LONRF2: variants seen among roughly 807,000 people sequenced by gnomAD.
The protein encoded by LONRF2 is LON peptidase N-terminal domain and ring finger 2.
A neutral mutation model predicts 66.6 loss-of-function variants in LONRF2; 35 were observed. The observed-to-expected ratio is 0.53, with a 90% CI of 0.40 to 0.70. The LOEUF (loss-of-function observed/expected upper bound fraction) is 0.70. LONRF2 is among the 30% of genes least tolerant of loss of function. The pLI, the probability that LONRF2 is intolerant of heterozygous loss-of-function variation, is 0.00. For synonymous variants in LONRF2, 417 were observed against 418.1 expected (o/e 1.00, Z 0.03); for missense variants, 902 against 1,002.1 (o/e 0.90, Z 1.35).
At position 100,275,686 on chromosome 2, in the gene LONRF2, G is replaced by A. The variant is rs1185412338; in HGVS notation, c.*8612C>T. On this transcript the variant is annotated 3_prime_UTR_variant, in exon 12 of 12. Transcript: ENST00000393437. Reference sequence around the variant, plus strand: ...AAAAGGGGAAGGGGTGGGACACTTTGTTCCCACTCCCCTGAGACCTGCAGA... The same window carrying A: ...AAAAGGGGAAGGGGTGGGACACTTTATTCCCACTCCCCTGAGACCTGCAGA... 2.0e-5 allele frequency: 3 copies of A among 152,156 alleles called. No homozygotes were observed. The highest frequency in any genetic ancestry group is 7.2e-5 in the African/African-American group (3 of 41,426). 9.4% of individuals were successfully genotyped at this position (152,156 alleles called of 1,614,324 possible). A position where few individuals can be genotyped will look rare whatever the true frequency, so the allele number is the denominator to read the frequency against.
intron 9 of LONRF2, among the ~76,000 whole-genome samples, chr2:100,294,008 A>G (rs1427050743): frequency 6.6e-6 from 1 of 152,212 alleles, no homozygotes; most frequent in African/African-American, 2.4e-5. Context: ...GGCAAGTAGC[A>G]TGGCAATGGA....
Position 100,287,950 on chromosome 2 carries a change from G to A in LONRF2, c.1921-887C>T, listed in dbSNP as rs148454875. On this transcript the variant is annotated intron_variant, in intron 10 of 11. Transcript: ENST00000393437. ...ACCTACAAAAACTACGGTGTGCTGA[G>A]AAATTATAATATAATGCATATACCA... is the stretch of plus-strand genomic sequence containing the variant. Among the ~76,000 whole-genome samples the A allele has an allele frequency of 2.4e-3, 359 of 152,172 alleles. 1 individual carries two copies. Among genetic ancestry groups the A allele is most frequent in the Middle Eastern group, 0.01 (3 of 294 alleles).
rs562021760 is a variant in LONRF2, at chr2:100,288,243, T to C, written c.1921-1180A>G. Among the ~76,000 whole-genome samples the C allele has an allele frequency of 3.9e-5, 6 of 152,262 alleles. No homozygotes were observed. In the East Asian group the frequency reaches 1.2e-3, roughly 29 times the overall value. The stretch of plus-strand genomic sequence containing the variant: ...CCAGCCTGGGAGCTGGGCTCCCTGC[T>C]CTGCTCCCATGCACTGGGATGACCA... On this transcript the variant is annotated intron_variant, in intron 10 of 11. Transcript: ENST00000393437.
At chr2:100,314,293 G>T (rs1209285781) in intron 1 of LONRF2, among the ~76,000 whole-genome samples, 3 of 152,122 alleles carry the variant, frequency 2.0e-5, no homozygotes, top group Non-Finnish European at 4.4e-5. Flanking sequence ...CAGCTACTCT[G>T]GTGGGGATGT....
chr2:100,316,341 A>C (rs1675507275), intron 1 of LONRF2, among the ~76,000 whole-genome samples: 1 of 129,634 alleles, frequency 7.7e-6, no homozygotes, highest in Admixed American at 7.0e-5. Flanking sequence ...AAAAAAAAGA[A>C]AGAAAATTTT....
chr2:100,284,425 T>A lies in LONRF2; in HGVS notation c.2138A>T (p.Gln713Leu). Reference sequence around the variant, plus strand: ...CGAGGTCATGCCGAGGATGGCCAGCTGAGCCTTGCGCTCCAGGGGCAGCAC... The same window carrying A: ...CGAGGTCATGCCGAGGATGGCCAGCAGAGCCTTGCGCTCCAGGGGCAGCAC... ...LAVLPLERKAQLAILGMTSLK... is the reference protein window; with the variant it reads ...LAVLPLERKALLAILGMTSLK... The change falls in exon 12 of 12, where the codon CAG becomes CTG. Residue 713 changes from glutamine (Q) to leucine (L), a missense_variant. Coordinates refer to ENST00000393437, the MANE Select transcript of LONRF2 (RefSeq NM_198461.4). The A allele has an allele frequency of 6.2e-7, 1 of 1,607,806 alleles. No individual in the cohort carries two copies. Among genetic ancestry groups the A allele is most frequent in the South Asian group, 1.1e-5 (1 of 89,160 alleles).
chr2:100,289,680 C>T (rs933355252), intron 10 of LONRF2, among the ~76,000 whole-genome samples: 6 of 152,144 alleles, frequency 3.9e-5, no homozygotes, highest in Admixed American at 2.0e-4. Flanking sequence ...TCGTGACCTG[C>T]CCACCTTGGC....
chr2:100,311,673 G>T (rs938626123), intron 1 of LONRF2, among the ~76,000 whole-genome samples: 1 of 152,062 alleles, frequency 6.6e-6, no homozygotes, highest in East Asian at 1.9e-4. Context: ...CATAAAATAT[G>T]TTTGTTGTAA....
At chr2:100,303,825 C>A (rs976432644) in intron 2 of LONRF2, among the ~76,000 whole-genome samples, 2 of 152,114 alleles carry the variant, frequency 1.3e-5, no homozygotes, top group African/African-American at 2.4e-5. Context: ...GTTGAGTTAA[C>A]CTTCTTGGAT....
At position 100,321,609 on chromosome 2, in the gene LONRF2, AC is replaced by A; in HGVS notation, c.484del (p.Val162SerfsTer18). ...KPVTLPCGLT[V>X]CKRCVEPGPA... ...CCCTGGCTCCACGCAGCGCTTGCAG[AC>A]TGTGAGCCCGCAGGGCAGCGTCACC... On this transcript the variant is annotated frameshift_variant, in exon 1 of 12. Coordinates refer to ENST00000393437, the MANE Select transcript of LONRF2 (RefSeq NM_198461.4). LOFTEE classifies it high-confidence loss of function. The A allele has an allele frequency of 6.6e-7, 1 of 1,510,592 alleles. No individual in the cohort carries two copies. The highest frequency in any genetic ancestry group is 8.8e-7 in the Non-Finnish European group (1 of 1,140,906). 93.6% of individuals were successfully genotyped at this position (1,510,592 alleles called of 1,614,324 possible).
At chr2:100,313,395 T>C (rs1009913047) in intron 1 of LONRF2, among the ~76,000 whole-genome samples, 1 of 152,140 alleles carries the variant, frequency 6.6e-6, no homozygotes, top group Non-Finnish European at 1.5e-5. Flanking sequence ...CTTGGGAGGC[T>C]GAGGCATGAG....
Position 100,282,256 on chromosome 2 carries a change from TAA to T in LONRF2, c.*2040_*2041del, listed in dbSNP as rs1674755786. 1 of 152,166 alleles carries T rather than the reference TAA, an allele frequency of 6.6e-6. No individual in the cohort carries two copies. The highest frequency in any genetic ancestry group is 2.4e-5 in the African/African-American group (1 of 41,434). The allele number at this position is 152,166 out of a possible 1,614,324, so 9.4% of individuals were successfully genotyped here. A position where few individuals can be genotyped will look rare whatever the true frequency, so the allele number is the denominator to read the frequency against. On this transcript the variant is annotated 3_prime_UTR_variant, in exon 12 of 12. Transcript: ENST00000393437. Reference sequence around the variant, plus strand: ...AAGAACTGTGTGACCTTATGACATTTAAAGAGTGAGGAAGAGAAAGCAACAGG... The same window carrying T: ...AAGAACTGTGTGACCTTATGACATTTAGAGTGAGGAAGAGAAAGCAACAGG...
At chr2:100,298,180 T>C (rs545095871) in intron 7 of LONRF2, among the ~76,000 whole-genome samples, 18 of 152,346 alleles carry the variant, frequency 1.2e-4, no homozygotes, top group African/African-American at 4.3e-4. Context: ...ATACAGCTGA[T>C]ATGGATTCAC....
intron 5 of LONRF2, 60 bp downstream of exon 5, chr2:100,299,657 C>T (rs1675138238): frequency 7.8e-7 from 1 of 1,283,178 alleles, no homozygotes; most frequent in Non-Finnish European, 1.1e-6. Context: ...ATATTGAATA[C>T]TAGTTAACAT....
chr2:100,321,932 C>G lies in LONRF2; in HGVS notation c.162G>C (p.Ala54=). Reference sequence around the variant, plus strand: ...TCAGGCACAGGCCGCGGTCCGGCTGCGCCAGCCCGGCTAGCATGGAGCGAA... The same window carrying G: ...TCAGGCACAGGCCGCGGTCCGGCTGGGCCAGCCCGGCTAGCATGGAGCGAA... ...ELFRSMLAGL[A]QPDRGLCLRL... The change falls in exon 1 of 12, where the codon GCG becomes GCC. Residue 54 remains alanine (A), a synonymous_variant. Coordinates refer to ENST00000393437, the MANE Select transcript of LONRF2 (RefSeq NM_198461.4). 2.9e-6 allele frequency: 4 copies of G among 1,398,524 alleles called. No individual in the cohort carries two copies. The highest frequency in any genetic ancestry group is 3.7e-6 in the Non-Finnish European group (4 of 1,073,272). The allele number at this position is 1,398,524 out of a possible 1,614,324, so 86.6% of individuals were successfully genotyped here.
In LONRF2 at chr2:100,300,173, AT is replaced by A. The variant is rs1394453808; in HGVS notation, c.1066-256del. Among the ~76,000 whole-genome samples the A allele has an allele frequency of 3.5e-3, 525 of 151,728 alleles. 2 individuals carry two copies. The highest frequency in any genetic ancestry group is 0.011 in the African/African-American group (471 of 41,410). On this transcript the variant is annotated intron_variant, in intron 4 of 11. Coordinates refer to ENST00000393437, the MANE Select transcript of LONRF2 (RefSeq NM_198461.4). ...ATGCAATCTGTCTGTCTGTCTATCT[AT>A]CTACACACACACACACATACACATA...
rs1281852403 is a variant in LONRF2, at chr2:100,273,681, A to C, written c.*10617T>G. ...GTATCACAGGATATGACAACACATCACCTATCTCCAAACAAGAAAAAGCAT... is the reference window on the plus strand; with the variant it reads ...GTATCACAGGATATGACAACACATCCCCTATCTCCAAACAAGAAAAAGCAT... On this transcript the variant is annotated 3_prime_UTR_variant, in exon 12 of 12. Transcript: ENST00000393437. 1 of 152,214 alleles carries C rather than the reference A, an allele frequency of 6.6e-6. No homozygotes were observed. The highest frequency in any genetic ancestry group is 6.5e-5 in the Admixed American group (1 of 15,272). The allele number at this position is 152,214 out of a possible 1,614,324, so 9.4% of individuals were successfully genotyped here. A position where few individuals can be genotyped will look rare whatever the true frequency, so the allele number is the denominator to read the frequency against.
In LONRF2 at chr2:100,279,068, A is replaced by AC. The variant is rs1201954082; in HGVS notation, c.*5229dup. The AC allele has an allele frequency of 6.7e-6, 1 of 150,188 alleles. No homozygotes were observed. The highest frequency in any genetic ancestry group is 1.5e-5 in the Non-Finnish European group (1 of 67,560). The allele number at this position is 150,188 out of a possible 1,614,324, so 9.3% of individuals were successfully genotyped here. Reference sequence around the variant, plus strand: ...CTCAACCCCTGGGGGAGGAGCACCCACCCCCGGTGCCTTCTCCTACCACCC... The same window carrying AC: ...CTCAACCCCTGGGGGAGGAGCACCCACCCCCCGGTGCCTTCTCCTACCACCC... On this transcript the variant is annotated 3_prime_UTR_variant, in exon 12 of 12. Coordinates refer to ENST00000393437, the MANE Select transcript of LONRF2 (RefSeq NM_198461.4).
chr2:100,276,156 T>C lies in LONRF2; in HGVS notation c.*8142A>G, dbSNP rs971424811. 2.0e-5 allele frequency: 3 copies of C among 152,228 alleles called. No homozygotes were observed. The highest frequency in any genetic ancestry group is 4.4e-5 in the Non-Finnish European group (3 of 68,048). The allele number at this position is 152,228 out of a possible 1,614,324, so 9.4% of individuals were successfully genotyped here. A position where few individuals can be genotyped will look rare whatever the true frequency, so the allele number is the denominator to read the frequency against. ...TAACCAAAACATAAAAGGGTGCCTA[T>C]TGGCTTTTGTGTCTCCATAACTTAG... On this transcript the variant is annotated 3_prime_UTR_variant, in exon 12 of 12. Coordinates refer to ENST00000393437, the MANE Select transcript of LONRF2 (RefSeq NM_198461.4).
Sources: allele counts gnomAD v4.1 joint callset (sites outside exome capture counted in the v4.1 genomes callset), GRCh38; gene constraint gnomAD v4.1.1; transcripts MANE v1.5; gene names NCBI Gene and HGNC (gene_info 2026-07-23, HGNC 2026-07-21).